KCNAB1: variants seen among roughly 807,000 people sequenced by gnomAD.
KCNAB1 encodes voltage-gated potassium channel subunit beta-1.
A neutral mutation model predicts 64.6 loss-of-function variants in KCNAB1; 35 were observed. That is an observed-to-expected ratio of 0.54 (90% CI 0.41 to 0.72). KCNAB1 has a LOEUF of 0.72. KCNAB1 is among the 30% of genes least tolerant of loss of function. The pLI is 0.00. For synonymous variants in KCNAB1, 177 were observed against 183.8 expected (o/e 0.96, Z 0.30); for missense variants, 401 against 512.9 (o/e 0.78, Z 2.11).
intron 1 of KCNAB1, among the ~76,000 whole-genome samples, chr3:156,283,291 G>GC (rs1247958275): frequency 6.6e-6 from 1 of 151,276 alleles, no homozygotes; most frequent in African/African-American, 2.5e-5. Flanking sequence ...TTGAATATTG[G>GC]CCCCCACTCT....
rs115514723 is a variant in KCNAB1, at chr3:156,470,741, T to C, written c.572-3993T>C. ...GAAAATAATCTGAGAAAGCTCTGCT[T>C]GAAACTTTTTAATTAATAACAAATC... On this transcript the variant is annotated intron_variant, in intron 7 of 13. Coordinates refer to ENST00000490337, the MANE Select transcript of KCNAB1 (RefSeq NM_172160.3). Among the ~76,000 whole-genome samples the C allele has an allele frequency of 7.1e-3, 1,087 of 152,330 alleles. 15 individuals carry two copies. Among genetic ancestry groups the C allele is most frequent in the African/African-American group, 0.025 (1,022 of 41,580 alleles).
At chr3:156,394,641 C>G (rs545944895) in intron 1 of KCNAB1, among the ~76,000 whole-genome samples, 1 of 152,192 alleles carries the variant, frequency 6.6e-6, no homozygotes, top group Non-Finnish European at 1.5e-5. Context: ...AAGTTCAACA[C>G]GTTTGTCCCA....
intron 1 of KCNAB1, among the ~76,000 whole-genome samples, chr3:156,372,507 A>C (rs1178172512): frequency 6.6e-6 from 1 of 152,220 alleles, no homozygotes; most frequent in Non-Finnish European, 1.5e-5. Flanking sequence ...TGGACTGTAG[A>C]ATTTGCTTTT....
chr3:156,536,714 C>T lies in KCNAB1; in HGVS notation c.1227C>T (p.Asn409=). ...ATGAGATTGATAACATACTGCGCAA[C>T]AAGCCCTACAGCAAGAAGGACTATA... ...VVNEIDNILR[N]KPYSKKDYRS Residue 409 remains asparagine, a synonymous_variant, in exon 14 of 14, where the codon AAC becomes AAT. Transcript: ENST00000490337. 10 of 1,613,014 alleles carry T rather than the reference C, an allele frequency of 6.2e-6. No homozygotes were observed. Among genetic ancestry groups the T allele is most frequent in the East Asian group, 2.2e-5 (1 of 44,890 alleles).
At chr3:156,361,857 A>C (rs76506551) in intron 1 of KCNAB1, among the ~76,000 whole-genome samples, 1,532 of 152,196 alleles carry the variant, frequency 0.01, 80 homozygotes, top group East Asian at 0.09. Flanking sequence ...ACAGGGTCTC[A>C]CTATGTTGCC....
intron 1 of KCNAB1, among the ~76,000 whole-genome samples, chr3:156,186,261 T>C (rs1431107030): frequency 2.0e-5 from 3 of 152,200 alleles, no homozygotes; most frequent in Non-Finnish European, 4.4e-5. Context: ...AACCTGCCTA[T>C]TTTTTTTCTG....
At chr3:156,350,544 G>A (rs1724790616) in intron 1 of KCNAB1, among the ~76,000 whole-genome samples, 2 of 151,310 alleles carry the variant, frequency 1.3e-5, no homozygotes, top group African/African-American at 2.4e-5. Context: ...TTTCCTCACA[G>A]GGAAAAATTC....
intron 1 of KCNAB1, among the ~76,000 whole-genome samples, chr3:156,200,423 G>A (rs1428800315): frequency 6.6e-6 from 1 of 152,220 alleles, no homozygotes; most frequent in Admixed American, 6.5e-5. Context: ...GCGCCCATAG[G>A]CACCCCTTCC....
intron 1 of KCNAB1, among the ~76,000 whole-genome samples, chr3:156,301,837 G>A (rs553973890): frequency 6.7e-4 from 102 of 152,238 alleles, no homozygotes; most frequent in African/African-American, 2.4e-3. Context: ...ACCTTCCGTG[G>A]GTTCTGTTTC....
chr3:156,420,315 G>T (rs1424467782), intron 1 of KCNAB1, among the ~76,000 whole-genome samples: 1 of 152,190 alleles, frequency 6.6e-6, no homozygotes, highest in African/African-American at 2.4e-5. Context: ...ATTTCTACAA[G>T]GTCACCCAAC....
intron 1 of KCNAB1, among the ~76,000 whole-genome samples, chr3:156,235,431 A>G (rs1716791258): frequency 6.6e-6 from 1 of 152,158 alleles, no homozygotes; most frequent in South Asian, 2.1e-4. Flanking sequence ...GGTGCCATAA[A>G]CTTGACTTTC....
At chr3:156,295,370 T>C (rs1318857713) in intron 1 of KCNAB1, among the ~76,000 whole-genome samples, 1 of 152,188 alleles carries the variant, frequency 6.6e-6, no homozygotes, top group African/African-American at 2.4e-5. Flanking sequence ...ACTTATATAA[T>C]GCCTTATGAT....
intron 1 of KCNAB1, among the ~76,000 whole-genome samples, chr3:156,318,442 G>A (rs2108020323): frequency 6.6e-6 from 1 of 152,198 alleles, no homozygotes; most frequent in East Asian, 1.9e-4. Context: ...TGGACCCCCA[G>A]CTTCCCAGCA....
intron 8 of KCNAB1, among the ~76,000 whole-genome samples, chr3:156,479,097 A>G (rs1461389018): frequency 1.3e-5 from 2 of 152,094 alleles, no homozygotes; most frequent in African/African-American, 4.8e-5. Flanking sequence ...TTTCTTTCAC[A>G]GCATCTGCCA....
At chr3:156,381,693 G>T (rs1055505583) in intron 1 of KCNAB1, among the ~76,000 whole-genome samples, 2 of 152,186 alleles carry the variant, frequency 1.3e-5, no homozygotes, top group African/African-American at 4.8e-5. Context: ...TGTGGAAAAT[G>T]GAGCTGTTTC....
chr3:156,220,720 A>G (rs1715667450), intron 1 of KCNAB1, among the ~76,000 whole-genome samples: 1 of 152,160 alleles, frequency 6.6e-6, no homozygotes, highest in Non-Finnish European at 1.5e-5. Context: ...CTTTAGTTTA[A>G]TTAGATCCCA....
chr3:156,291,359 A>G (rs1416264943), intron 1 of KCNAB1: 21 of 994,236 alleles, frequency 2.1e-5, no homozygotes, highest in Non-Finnish European at 2.5e-5. Context: ...GTCCGAGGGG[A>G]CCCGCTTGCG....
At chr3:156,507,144 C>T (rs992776523) in intron 8 of KCNAB1, among the ~76,000 whole-genome samples, 1 of 152,248 alleles carries the variant, frequency 6.6e-6, no homozygotes, top group African/African-American at 2.4e-5. Context: ...GGTCTATAGA[C>T]TATCTGCTGA....
At chr3:156,482,810 G>C (rs937698401) in intron 8 of KCNAB1, among the ~76,000 whole-genome samples, 7 of 152,000 alleles carry the variant, frequency 4.6e-5, no homozygotes, top group African/African-American at 1.7e-4. Flanking sequence ...TCGAAATTTA[G>C]AGCTACCATT....
Sources: allele counts gnomAD v4.1 joint callset (sites outside exome capture counted in the v4.1 genomes callset), GRCh38; gene constraint gnomAD v4.1.1; transcripts MANE v1.5; gene names NCBI Gene and HGNC (gene_info 2026-07-23, HGNC 2026-07-21).